ZNF133: variants seen among roughly 807,000 people sequenced by gnomAD.
The protein encoded by ZNF133 is zinc finger protein 133 (clone pHZ-13).
ZNF133 carries 26 observed loss-of-function variants against 54.9 expected under a neutral mutation model. That is an observed-to-expected ratio of 0.47 (90% confidence interval 0.35 to 0.66). The LOEUF (loss-of-function observed/expected upper bound fraction) is 0.66. ZNF133 is among the 30% of genes least tolerant of loss of function. ZNF133 has a pLI of 0.01. For missense variants in ZNF133, 653 were observed against 820.8 expected, an observed-to-expected ratio of 0.80 and a Z score of 2.50; for synonymous variants, 298 against 320.3, an observed-to-expected ratio of 0.93 and a Z score of 0.74.
At chr20:18,306,160 T>C in intron 5 of ZNF133, 138 bp from the exon 6 acceptor site, 1 of 754,380 alleles carries the variant, frequency 1.3e-6, no homozygotes, top group East Asian at 2.7e-5. Flanking sequence ...ATCCCTTCCA[T>C]TTCTGAGAGC....
In ZNF133 at chr20:18,315,353, A is replaced by G. The variant is rs770511219; in HGVS notation, c.502A>G (p.Arg168Gly). 5 of 1,614,196 alleles carry G rather than the reference A, an allele frequency of 3.1e-6. No homozygotes were observed. The South Asian group carries it at 5.5e-5, about 18-fold the overall frequency. The change falls in exon 7 of 7, where the codon AGG (arginine) becomes GGG (glycine). Residue 168 changes from arginine to glycine, a missense_variant. By Grantham distance (125) the Arg-to-Gly change is moderately radical (BLOSUM62 -2). Around this residue, in one of 4 missense-constraint regions of ZNF133, gnomAD observed 227 missense variants for 233.9 expected, o/e 0.97. Transcript: ENST00000425686. ...TKKRTLGAFSRPPQRQPVSSR... is the reference protein window; with the variant it reads ...TKKRTLGAFSGPPQRQPVSSR... Reference sequence around the variant, plus strand: ...GAAAAGGACTCTGGGAGCGTTCTCCAGGCCACCCCAGAGGCAGCCAGTCAG... The same window carrying G: ...GAAAAGGACTCTGGGAGCGTTCTCCGGGCCACCCCAGAGGCAGCCAGTCAG...
intron 6 of ZNF133, among the ~76,000 whole-genome samples, chr20:18,308,995 T>C (rs1038598608): frequency 1.3e-5 from 2 of 152,204 alleles, no homozygotes; most frequent in African/African-American, 4.8e-5. Context: ...AAGTTCAAGA[T>C]CAAGTTGTCA....
chr20:18,289,880 T>G (rs2040554937), intron 1 of ZNF133: 1 of 152,268 alleles, frequency 6.6e-6, no homozygotes, highest in Non-Finnish European at 1.5e-5. Context: ...AGTTCTTTTC[T>G]CCTTTTCTTC....
rs146733282 is a variant in ZNF133, at chr20:18,316,680, C to A, written c.1829C>A (p.Thr610Lys). ...HTGEKPYVCK[T>K]CGRGFSLKSH... ...GGGGAGAAGCCATATGTGTGCAAGA[C>A]GTGTGGGCGGGGCTTCAGCCTCAAG... is the stretch of plus-strand genomic sequence containing the variant. Residue 610 changes from threonine to lysine, a missense_variant, in exon 7 of 7, where the codon ACG becomes AAG. Thr to Lys is a moderately conservative substitution (Grantham distance 78). This residue lies in a region of ZNF133 where 129 missense variants were observed against 138.5 expected (regional missense o/e 0.93). Coordinates refer to ENST00000425686, the MANE Select transcript of ZNF133 (RefSeq NM_001352452.2). The A allele has an allele frequency of 7.4e-6, 12 of 1,610,808 alleles. No individual in the cohort carries two copies. The highest frequency in any genetic ancestry group is 9.3e-6 in the Non-Finnish European group (11 of 1,178,912).
At chr20:18,296,729 G>A (rs1295578463) in intron 1 of ZNF133, among the ~76,000 whole-genome samples, 21 of 152,178 alleles carry the variant, frequency 1.4e-4, no homozygotes, top group Admixed American at 1.4e-3. Flanking sequence ...GTATGAACAT[G>A]AGCGCACAAG....
Position 18,305,544 on chromosome 20 carries a change from C to G in ZNF133, c.-6-137C>G. The G allele has an allele frequency of 7.8e-7, 1 of 1,283,778 alleles. No individual in the cohort carries two copies. The highest frequency in any genetic ancestry group is 1.4e-5 in the South Asian group (1 of 73,212). 79.5% of individuals were successfully genotyped at this position (1,283,778 alleles called of 1,614,324 possible). A position where few individuals can be genotyped will look rare whatever the true frequency, so the allele number is the denominator to read the frequency against. On this transcript the variant is annotated intron_variant, in intron 4 of 6. Coordinates refer to ENST00000425686, the MANE Select transcript of ZNF133 (RefSeq NM_001352452.2). The surrounding 1 kb of genome is among the most constrained non-coding windows in gnomAD (Gnocchi z 4.7). ...TGGATTGAGACAGGGATTTAAAAGT[C>G]TTGGAACACATGGCACCAGGGTCAC...
At chr20:18,294,909 A>G (rs2041921068) in intron 1 of ZNF133, among the ~76,000 whole-genome samples, 2 of 152,164 alleles carry the variant, frequency 1.3e-5, no homozygotes, top group South Asian at 4.1e-4. Flanking sequence ...TGTAAGTGAC[A>G]ATTAGTCTAT....
At chr20:18,296,335 T>G (rs1476433748) in intron 1 of ZNF133, among the ~76,000 whole-genome samples, 3 of 152,178 alleles carry the variant, frequency 2.0e-5, no homozygotes, top group African/African-American at 7.2e-5. Context: ...TTAACATGTT[T>G]GAGTCAATGG....
rs1469102976 is a variant in ZNF133 at position 18,306,357 on chromosome 20, A to G, written c.181A>G (p.Arg61Gly). 6.2e-7 allele frequency: 1 copy of G among 1,613,886 alleles called. No homozygotes were observed. ...TQLEQGKETW[R>G]EEKKCSPATC... ...GCTGGAGCAAGGGAAAGAGACCTGG[A>G]GAGAGGAAAAAAAATGTTCACCGGC... The change falls in exon 6 of 7, where the codon AGA becomes GGA. Residue 61 changes from arginine to glycine, a missense_variant. Coordinates refer to ENST00000425686, the MANE Select transcript of ZNF133 (RefSeq NM_001352452.2).
Position 18,306,409 on chromosome 20 carries a change from C to T in ZNF133, c.217+16C>T, listed in dbSNP as rs1020539652. On this transcript the variant is annotated intron_variant, in intron 6 of 6. Coordinates refer to ENST00000425686, the MANE Select transcript of ZNF133 (RefSeq NM_001352452.2). Reference sequence around the variant, plus strand: ...ACCTGTCCAGGTGAGTGGGAAAACACTGGACAAATGAGACATGAGCTCAGC... The same window carrying T: ...ACCTGTCCAGGTGAGTGGGAAAACATTGGACAAATGAGACATGAGCTCAGC... 6 of 1,609,246 alleles carry T rather than the reference C, an allele frequency of 3.7e-6. No individual in the cohort carries two copies. The highest frequency in any genetic ancestry group is 1.6e-4 in the Middle Eastern group (1 of 6,078).
intron 1 of ZNF133, among the ~76,000 whole-genome samples, chr20:18,292,513 C>T (rs998214831): frequency 1.3e-5 from 2 of 152,186 alleles, no homozygotes; most frequent in African/African-American, 4.8e-5. Context: ...ATTCCCTGGG[C>T]TCTTCACATC....
chr20:18,299,649 G>A (rs1196959638), intron 3 of ZNF133, among the ~76,000 whole-genome samples: 1 of 152,092 alleles, frequency 6.6e-6, no homozygotes, highest in Admixed American at 6.5e-5. Flanking sequence ...TGTAATCAAA[G>A]CATCAAAAGC....
At chr20:18,296,432 C>A (rs2042251846) in intron 1 of ZNF133, among the ~76,000 whole-genome samples, 1 of 152,136 alleles carries the variant, frequency 6.6e-6, no homozygotes, top group Admixed American at 6.5e-5. Context: ...AACTCCATAC[C>A]CGTTAAACAA....
At position 18,315,438 on chromosome 20, in the gene ZNF133, C is replaced by G. The variant is rs1413820068; in HGVS notation, c.587C>G (p.Pro196Arg). 1.2e-6 allele frequency: 2 copies of G among 1,614,188 alleles called. No individual in the cohort carries two copies. The highest frequency in any genetic ancestry group is 1.7e-5 in the Admixed American group (1 of 60,026). Residue 196 changes from proline (P) to arginine (R), a missense_variant, in exon 7 of 7, where the codon CCT (proline) becomes CGT (arginine). Transcript: ENST00000425686. ...LEASPAQSGNPEETDKLLKRI... is the reference protein window; with the variant it reads ...LEASPAQSGNREETDKLLKRI... ...GCCAGCCCAGCTCAGTCAGGGAACC[C>G]TGAGGAAACAGACAAATTGTTGAAG... is the stretch of plus-strand genomic sequence containing the variant.
chr20:18,305,182 A>C lies in ZNF133; in HGVS notation c.-7+4A>C, dbSNP rs145304024. On this transcript the variant is annotated splice_donor_region_variant and intron_variant, in intron 4 of 6. Coordinates refer to ENST00000425686, the MANE Select transcript of ZNF133 (RefSeq NM_001352452.2). The surrounding 1 kb of genome is among the most constrained non-coding windows in gnomAD (Gnocchi z 4.7). ...AACTGTTTTCTACATTTCACAGGTA[A>C]GAAAACTGGGATACTAGTTGGTGGC... 879 of 989,580 alleles carry C rather than the reference A, an allele frequency of 8.9e-4. 13 individuals carry two copies. The East Asian group carries it at 0.018, about 20-fold the overall frequency. The allele number at this position is 989,580 out of a possible 1,614,324, so 61.3% of individuals were successfully genotyped here.
intron 1 of ZNF133, among the ~76,000 whole-genome samples, chr20:18,291,893 A>G (rs755197130): frequency 1.7e-4 from 26 of 152,058 alleles, no homozygotes; most frequent in Non-Finnish European, 2.8e-4. Context: ...TGGGCATCCC[A>G]AAACTAATGT....
chr20:18,288,815 T>C (rs2146670475), intron 1 of ZNF133, among the ~76,000 whole-genome samples: 1 of 152,056 alleles, frequency 6.6e-6, no homozygotes, highest in South Asian at 2.1e-4. Flanking sequence ...CCAGGGGAGT[T>C]GGGTGAAGCC....
intron 1 of ZNF133, among the ~76,000 whole-genome samples, chr20:18,293,431 T>C (rs1842199629): frequency 6.6e-6 from 1 of 152,216 alleles, no homozygotes; most frequent in Admixed American, 6.5e-5. Flanking sequence ...TCCAGCAGGA[T>C]TGAACTCGTT....
Position 18,305,765 on chromosome 20 carries a change from A to C in ZNF133, c.79A>C (p.Arg27=). Residue 27 remains arginine, a synonymous_variant, in exon 5 of 7, where the codon AGA becomes CGA. Coordinates refer to ENST00000425686, the MANE Select transcript of ZNF133 (RefSeq NM_001352452.2). The surrounding 1 kb of genome is among the most constrained non-coding windows in gnomAD (Gnocchi z 4.7). ...GAGCCCTGCTCAAAGGACTCTGTAC[A>C]GAGAGGTGATGCTGGAGAACTACAG... ...LLSPAQRTLY[R]EVMLENYSNL... The C allele has an allele frequency of 6.2e-7, 1 of 1,614,122 alleles. No individual in the cohort carries two copies. The highest frequency in any genetic ancestry group is 2.2e-5 in the East Asian group (1 of 44,866).
Sources: allele counts gnomAD v4.1 joint callset (sites outside exome capture counted in the v4.1 genomes callset), GRCh38; gene constraint gnomAD v4.1.1; regional missense constraint gnomAD v4.1.1; non-coding constraint Gnocchi (gnomAD v3.1); transcripts MANE v1.5; gene names NCBI Gene and HGNC (gene_info 2026-07-23, HGNC 2026-07-21).